The following PTPRO variants were observed in gnomAD, a reference collection of about 807,000 sequenced individuals.
PTPRO encodes protein tyrosine phosphatase receptor type O, also known as receptor-type tyrosine-protein phosphatase O.
In PTPRO, 62 loss-of-function variants were observed where a neutral mutation model predicts 145.2. That is an observed-to-expected ratio of 0.43 (90% CI 0.35 to 0.53). PTPRO has a LOEUF of 0.53. PTPRO is among the 20% of genes least tolerant of loss of function. The probability of loss-of-function intolerance (pLI) is 0.01; values close to 1 mark genes in which losing one functional copy is unlikely to be tolerated. For synonymous variants in PTPRO, 565 were observed against 514.7 expected (o/e 1.10, Z -1.32); for missense variants, 1,345 against 1,482.7 (o/e 0.91, Z 1.53).
rs550237089 is a variant in PTPRO, at chr12:15,404,290, CTA to C, written c.76-79680_76-79679del. On this transcript the variant is annotated intron_variant, in intron 1 of 26. Transcript: ENST00000281171. ...AATCCATCTCTCACTATGTCCAGAA[CTA>C]TATTTCTTAAAGTCTTTGCTAATTT... 4.1e-3 allele frequency among the ~76,000 whole-genome samples: 613 copies of C among 150,434 alleles called. 3 individuals carry two copies. The highest frequency in any genetic ancestry group is 7.0e-3 in the Non-Finnish European group (473 of 67,716).
At chr12:15,472,562 C>T (rs1035990734) in intron 1 of PTPRO, among the ~76,000 whole-genome samples, 3 of 152,298 alleles carry the variant, frequency 2.0e-5, no homozygotes, top group South Asian at 2.1e-4. Context: ...GGCAAACTCA[C>T]GAGCATCTTT....
chr12:15,429,374 C>T (rs534001791), intron 1 of PTPRO, among the ~76,000 whole-genome samples: 4 of 152,162 alleles, frequency 2.6e-5, no homozygotes, highest in South Asian at 2.1e-4. Flanking sequence ...GAATGTGTCA[C>T]GGAAGGACTT....
At chr12:15,539,918 A>AT (rs1324844326) in intron 12 of PTPRO, among the ~76,000 whole-genome samples, 2,546 of 147,110 alleles carry the variant, frequency 0.017, 77 homozygotes, top group African/African-American at 0.06. Context: ...ATTTGCCTGA[A>AT]TTTTTTTTTT....
chr12:15,501,922 G>A lies in PTPRO; in HGVS notation c.964G>A (p.Glu322Lys), dbSNP rs145643549. 22 of 1,613,932 alleles carry A rather than the reference G, an allele frequency of 1.4e-5. No homozygotes were observed. The highest frequency in any genetic ancestry group is 2.2e-5 in the East Asian group (1 of 44,882). ...TGTCAGCGTACTTCCCATGGAATAC[G>A]AAAATAACAGTACACTCAGTGAGAC... ...EFVSVLPMEY[E>K]NNSTLSETEK... The change falls in exon 5 of 27, where the codon GAA becomes AAA. Residue 322 changes from glutamate (E) to lysine (K), a missense_variant. Around this residue, in one of 3 missense-constraint regions of PTPRO, gnomAD observed 1,130 missense variants for 1,214.7 expected, o/e 0.93. Transcript: ENST00000281171.
chr12:15,570,049 T>G (rs894140167), intron 19 of PTPRO, among the ~76,000 whole-genome samples: 1 of 152,194 alleles, frequency 6.6e-6, no homozygotes, highest in Non-Finnish European at 1.5e-5. Context: ...ACATGATTTG[T>G]GTTAAGAAAA....
At chr12:15,534,487 T>G (rs1943027378) in intron 12 of PTPRO, among the ~76,000 whole-genome samples, 1 of 152,166 alleles carries the variant, frequency 6.6e-6, no homozygotes, top group African/African-American at 2.4e-5. Flanking sequence ...CACTTTCTGT[T>G]CACAAGGAGC....
chr12:15,390,865 T>C (rs564184126), intron 1 of PTPRO, among the ~76,000 whole-genome samples: 73 of 152,186 alleles, frequency 4.8e-4, no homozygotes, highest in African/African-American at 1.6e-3. Context: ...CAACAGCAAT[T>C]TATTTCTCAC....
In PTPRO at chr12:15,595,000, T is replaced by C. The variant is rs754504838; in HGVS notation, c.3610T>C (p.Cys1204Arg). ...LMWMKKKQQFCISDVIYENVS... is the reference protein window; with the variant it reads ...LMWMKKKQQFRISDVIYENVS... The stretch of plus-strand genomic sequence containing the variant: ...GTGGATGAAGAAGAAGCAGCAGTTC[T>C]GCATCAGTGATGTCATATACGAGAA... The change falls in exon 26 of 27, where the codon TGC (cysteine) becomes CGC (arginine). Residue 1204 changes from cysteine to arginine, a missense_variant. By Grantham distance (180) the Cys-to-Arg change is radical. Coordinates refer to ENST00000281171, the MANE Select transcript of PTPRO (RefSeq NM_030667.3). The C allele has an allele frequency of 1.2e-5, 20 of 1,613,952 alleles. No homozygotes were observed. The East Asian group carries it at 3.1e-4, about 25-fold the overall frequency.
chr12:15,536,817 G>A (rs1943074746), intron 12 of PTPRO, among the ~76,000 whole-genome samples: 1 of 152,138 alleles, frequency 6.6e-6, no homozygotes, highest in African/African-American at 2.4e-5. Context: ...CCCCAAAAGT[G>A]TTCCCGTGTG....
chr12:15,501,794 T>A lies in PTPRO; in HGVS notation c.836T>A (p.Ile279Asn). Reference sequence around the variant, plus strand: ...ACCCCTGAAATTCCCTCGGGCAACATTTCTTCCGGTTGGCCTGATTTTAAT... The same window carrying A: ...ACCCCTGAAATTCCCTCGGGCAACAATTCTTCCGGTTGGCCTGATTTTAAT... Reference protein sequence around the residue: ...EETPEIPSGNISSGWPDFNSS... With the variant: ...EETPEIPSGNNSSGWPDFNSS... Residue 279 changes from isoleucine (I) to asparagine (N), a missense_variant, in exon 5 of 27, where the codon ATT becomes AAT. By Grantham distance (149) the Ile-to-Asn change is moderately radical. Around this residue, in one of 3 missense-constraint regions of PTPRO, gnomAD observed 1,130 missense variants for 1,214.7 expected, o/e 0.93. Transcript: ENST00000281171. The A allele has an allele frequency of 6.2e-7, 1 of 1,614,120 alleles. No individual in the cohort carries two copies. The highest frequency in any genetic ancestry group is 8.5e-7 in the Non-Finnish European group (1 of 1,180,016).
intron 1 of PTPRO, among the ~76,000 whole-genome samples, chr12:15,352,582 C>CG (rs1565580565): frequency 6.8e-6 from 1 of 146,406 alleles, no homozygotes; most frequent in Non-Finnish European, 1.5e-5. Context: ...ACTCGGGAGG[C>CG]GAGCTTGCAG....
chr12:15,531,679 C>A (rs537810770), intron 12 of PTPRO, among the ~76,000 whole-genome samples: 2 of 152,106 alleles, frequency 1.3e-5, no homozygotes, highest in Admixed American at 6.5e-5. Flanking sequence ...TGTGATAGAC[C>A]TTTAGAGACA....
At chr12:15,332,080 C>T (rs185583214) in intron 1 of PTPRO, among the ~76,000 whole-genome samples, 378 of 151,642 alleles carry the variant, frequency 2.5e-3, no homozygotes, top group African/African-American at 9.0e-3. Context: ...ATTCTCCTGC[C>T]TCAGCCTCCC....
At chr12:15,444,401 G>A (rs1243960994) in intron 1 of PTPRO, among the ~76,000 whole-genome samples, 1 of 151,966 alleles carries the variant, frequency 6.6e-6, no homozygotes, top group African/African-American at 2.4e-5. Context: ...TAATACCTAG[G>A]TAATGGGATC....
chr12:15,426,547 A>C (rs576330332), intron 1 of PTPRO, among the ~76,000 whole-genome samples: 43 of 152,004 alleles, frequency 2.8e-4, no homozygotes, highest in Non-Finnish European at 5.4e-4. Context: ...TTATTCCTAG[A>C]CTAGTTATTC....
chr12:15,378,140 A>T (rs578071587), intron 1 of PTPRO, among the ~76,000 whole-genome samples: 1 of 152,106 alleles, frequency 6.6e-6, no homozygotes, highest in South Asian at 2.1e-4. Flanking sequence ...AAATTATTTC[A>T]AAAGTTAGAG....
intron 1 of PTPRO, among the ~76,000 whole-genome samples, chr12:15,372,959 TAA>T (rs1269853083): frequency 1.3e-5 from 2 of 152,140 alleles, no homozygotes; most frequent in Non-Finnish European, 2.9e-5. Flanking sequence ...GTCAGTTGAT[TAA>T]TTGGAAGTTG....
At chr12:15,446,037 A>G (rs1282986615) in intron 1 of PTPRO, among the ~76,000 whole-genome samples, 1 of 152,158 alleles carries the variant, frequency 6.6e-6, no homozygotes, top group Non-Finnish European at 1.5e-5. Flanking sequence ...GATTTTTTAA[A>G]CAGTGAACCA....
At chr12:15,402,604 A>G (rs2136300975) in intron 1 of PTPRO, among the ~76,000 whole-genome samples, 1 of 152,220 alleles carries the variant, frequency 6.6e-6, no homozygotes, top group Non-Finnish European at 1.5e-5. Flanking sequence ...CTCTATGTAA[A>G]TTGTTAAACG....
Sources: allele counts gnomAD v4.1 joint callset (sites outside exome capture counted in the v4.1 genomes callset), GRCh38; gene constraint gnomAD v4.1.1; regional missense constraint gnomAD v4.1.1; transcripts MANE v1.5; gene names NCBI Gene and HGNC (gene_info 2026-07-23, HGNC 2026-07-21).